DSCAML1: variants seen among roughly 807,000 people sequenced by gnomAD.
DSCAML1 encodes the protein cell adhesion molecule DSCAML1.
Under a neutral mutation model 200.5 loss-of-function variants are expected in DSCAML1, and 38 were observed. The ratio of observed to expected loss-of-function variants is 0.19; its 90% CI spans 0.15 to 0.25. DSCAML1 has a LOEUF of 0.25. Ranked by LOEUF, DSCAML1 falls within the 10% of genes least tolerant of loss-of-function variation. DSCAML1 has a pLI of 1.00. For missense variants in DSCAML1, 2,223 were observed against 2,858.8 expected (o/e 0.78, Z 5.07); for synonymous variants, 1,215 against 1,165.0 (o/e 1.04, Z -0.87).
intron 1 of DSCAML1, among the ~76,000 whole-genome samples, chr11:117,807,090 C>T (rs917087154): frequency 4.6e-5 from 7 of 152,250 alleles, no homozygotes; most frequent in African/African-American, 7.2e-5. Context: ...CCAAGCCACA[C>T]GCCAGATTTC....
Position 117,535,569 on chromosome 11 carries a change from G to A in DSCAML1, c.512-3047C>T, listed in dbSNP as rs191490790. Among the ~76,000 whole-genome samples, 86 of 152,332 alleles carry A rather than the reference G, an allele frequency of 5.6e-4. No individual in the cohort carries two copies. In the East Asian group the frequency reaches 0.014, roughly 25 times the overall value. ...GCTGGCTGTCAGAGGAACCGAGGAA[G>A]CACGGAGAAAGCCAGCTCCCCAGTG... On this transcript the variant is annotated intron_variant, in intron 3 of 32. Transcript: ENST00000651296.
rs1174576381 is a variant in DSCAML1, at chr11:117,483,973, G to A, written c.2360-1811C>T. Reference sequence around the variant, plus strand: ...GGTCACTGGCCTGCTTTGGGCAATCGTGCAAAAAGGGGCTTTGTCTTCTCT... The same window carrying A: ...GGTCACTGGCCTGCTTTGGGCAATCATGCAAAAAGGGGCTTTGTCTTCTCT... On this transcript the variant is annotated intron_variant, in intron 11 of 32. Coordinates refer to ENST00000651296, the MANE Select transcript of DSCAML1 (RefSeq NM_020693.4). Among the ~76,000 whole-genome samples, 4 of 151,644 alleles carry A rather than the reference G, an allele frequency of 2.6e-5. No homozygotes were observed. In the East Asian group the frequency reaches 7.8e-4, roughly 29 times the overall value.
chr11:117,463,918 G>A lies in DSCAML1; in HGVS notation c.3265+1024C>T, dbSNP rs951346774. ...CAGATAATGCCAACTGGTGGCCAGC[G>A]TTAGGAACCATTGGTATGAGCGAAT... On this transcript the variant is annotated intron_variant, in intron 17 of 32. Coordinates refer to ENST00000651296, the MANE Select transcript of DSCAML1 (RefSeq NM_020693.4). This position sits in a 1 kb window ranked among gnomAD's most constrained non-coding sequence, Gnocchi z 4.0. 2.6e-5 allele frequency among the ~76,000 whole-genome samples: 4 copies of A among 152,182 alleles called. No homozygotes were observed. The highest frequency in any genetic ancestry group is 5.9e-5 in the Non-Finnish European group (4 of 68,054).
chr11:117,433,266 G>A lies in DSCAML1; in HGVS notation c.4908-10C>T. The A allele has an allele frequency of 6.2e-7, 1 of 1,604,416 alleles. No homozygotes were observed. ...GCTTCTATTGTTCTTGCTGTGGGGA[G>A]AAAGACTGGAGGTGGTGGCTCAGCA... On this transcript the variant is annotated splice_polypyrimidine_tract_variant and intron_variant, in intron 28 of 32. Transcript: ENST00000651296.
At chr11:117,562,587 G>T (rs1373695693) in intron 3 of DSCAML1, among the ~76,000 whole-genome samples, 1 of 152,260 alleles carries the variant, frequency 6.6e-6, no homozygotes, top group African/African-American at 2.4e-5. Context: ...TGAGTCACCA[G>T]AAACTGGTGG....
chr11:117,576,414 G>C (rs562711233), intron 3 of DSCAML1, among the ~76,000 whole-genome samples: 12 of 152,252 alleles, frequency 7.9e-5, no homozygotes, highest in Non-Finnish European at 1.5e-4. Context: ...TGGAGCACAA[G>C]GCCGCTTTCC....
intron 15 of DSCAML1, 109 bp downstream of exon 15, chr11:117,471,760 G>GAAAGCTCATTGCCAGTGAACAGGACC: frequency 8.4e-7 from 1 of 1,184,040 alleles, no homozygotes; most frequent in Non-Finnish European, 1.2e-6. Context: ...TTTTCCCCAC[G>GAAAGCTCATTGCCAGTGAACAGGACC]CCACCCCCTT....
At chr11:117,729,301 C>T (rs886616473) in intron 3 of DSCAML1, among the ~76,000 whole-genome samples, 23 of 152,034 alleles carry the variant, frequency 1.5e-4, no homozygotes, top group African/African-American at 5.6e-4. Flanking sequence ...AATGTAAAAG[C>T]TAAAAATATA....
intron 1 of DSCAML1, among the ~76,000 whole-genome samples, chr11:117,783,255 C>T (rs992468022): frequency 2.0e-5 from 3 of 152,166 alleles, no homozygotes; most frequent in Admixed American, 2.0e-4. Context: ...CAGGCACTCT[C>T]ACCTTGGCAG....
chr11:117,503,260 T>G lies in DSCAML1; in HGVS notation c.2359+585A>C, dbSNP rs530657013. Among the ~76,000 whole-genome samples the G allele has an allele frequency of 3.1e-4, 47 of 152,184 alleles. No individual in the cohort carries two copies. Among genetic ancestry groups the G allele is most frequent in the African/African-American group, 9.9e-4 (41 of 41,494 alleles). Reference sequence around the variant, plus strand: ...CTGAAGCATCCTCCTCTTTCCAAGATCAGTTCCTGCAGGACTCACAACAAT... The same window carrying G: ...CTGAAGCATCCTCCTCTTTCCAAGAGCAGTTCCTGCAGGACTCACAACAAT... On this transcript the variant is annotated intron_variant, in intron 11 of 32. Transcript: ENST00000651296. This position sits in a 1 kb window ranked among gnomAD's most constrained non-coding sequence, Gnocchi z 5.2.
In DSCAML1 at chr11:117,599,459, T is replaced by C. The variant is rs149593908; in HGVS notation, c.512-66937A>G. On this transcript the variant is annotated intron_variant, in intron 3 of 32. Transcript: ENST00000651296. ...CTTCTAATGTTGGACACTTTTCTTTTGAGTATGAATGCCTTTCTCCAAACG... is the reference window on the plus strand; with the variant it reads ...CTTCTAATGTTGGACACTTTTCTTTCGAGTATGAATGCCTTTCTCCAAACG... 4.6e-3 allele frequency among the ~76,000 whole-genome samples: 702 copies of C among 152,324 alleles called. 4 individuals are homozygous for C. The highest frequency in any genetic ancestry group is 8.7e-3 in the South Asian group (42 of 4,818).
intron 3 of DSCAML1, among the ~76,000 whole-genome samples, chr11:117,707,589 G>A (rs1439139834): frequency 6.6e-6 from 1 of 151,844 alleles, no homozygotes; most frequent in Non-Finnish European, 1.5e-5. Flanking sequence ...GCTGGAGTGC[G>A]GTGGCGTGAC....
In DSCAML1 at chr11:117,780,635, C is replaced by G. The variant is rs754299084; in HGVS notation, c.222G>C (p.Arg74=). 1.1e-5 allele frequency: 18 copies of G among 1,588,504 alleles called. No homozygotes were observed. The highest frequency in any genetic ancestry group is 1.5e-5 in the Non-Finnish European group (17 of 1,166,582). Reference sequence around the variant, plus strand: ...GCAGCGTCCCGTTGGCGTGGACGTGCCGGATGTGCGGCACGTCGTAGATGT... The same window carrying G: ...GCAGCGTCCCGTTGGCGTGGACGTGGCGGATGTGCGGCACGTCGTAGATGT... ...GDDIYDVPHI[R]HVHANGTLQL... is the part of the protein sequence containing the mutation. The change falls in exon 2 of 33, where the codon CGG becomes CGC. Residue 74 remains arginine, a synonymous_variant. Coordinates refer to ENST00000651296, the MANE Select transcript of DSCAML1 (RefSeq NM_020693.4). This position sits in a 1 kb window ranked among gnomAD's most constrained non-coding sequence, Gnocchi z 4.8.
At chr11:117,589,596 G>C (rs1225227502) in intron 3 of DSCAML1, among the ~76,000 whole-genome samples, 2 of 152,154 alleles carry the variant, frequency 1.3e-5, no homozygotes, top group Non-Finnish European at 2.9e-5. Context: ...AATGATAATC[G>C]ATGCTTATTA....
chr11:117,767,103 C>T (rs564998231), intron 3 of DSCAML1, among the ~76,000 whole-genome samples: 4 of 152,196 alleles, frequency 2.6e-5, no homozygotes, highest in South Asian at 4.2e-4. Context: ...TGCCGGTGAA[C>T]GGGCTTTATA....
At chr11:117,769,150 AT>A (rs2054955341) in intron 3 of DSCAML1, among the ~76,000 whole-genome samples, 2 of 66,788 alleles carry the variant, frequency 3.0e-5, no homozygotes, top group South Asian at 1.3e-3. Context: ...TATTATATAT[AT>A]TTTATATATA....
intron 3 of DSCAML1, among the ~76,000 whole-genome samples, chr11:117,772,379 G>T (rs1167437284): frequency 1.3e-5 from 2 of 152,202 alleles, no homozygotes; most frequent in Admixed American, 6.5e-5. Flanking sequence ...GTCCTTGCCC[G>T]TGTCTCCCTA....
chr11:117,570,455 A>T (rs543481730), intron 3 of DSCAML1, among the ~76,000 whole-genome samples: 1 of 152,210 alleles, frequency 6.6e-6, no homozygotes, highest in Admixed American at 6.5e-5. Flanking sequence ...TTTACTTGCA[A>T]ATTTATTTTA....
chr11:117,467,609 CTAAA>C (rs1380716630), intron 16 of DSCAML1, among the ~76,000 whole-genome samples: 2 of 151,996 alleles, frequency 1.3e-5, no homozygotes, highest in Admixed American at 6.6e-5. Flanking sequence ...TTTGGACTCA[CTAAA>C]TAGGTGTGTG....
Sources: gnomAD v4.1 joint callset for allele counts (sites outside exome capture counted in the v4.1 genomes callset) on GRCh38, gnomAD v4.1.1 for gene constraint, Gnocchi (gnomAD v3.1) non-coding constraint, MANE v1.5 for transcripts, NCBI Gene and HGNC (gene_info 2026-07-23, HGNC 2026-07-21) for gene names.